The following TRPC7 variants were observed in gnomAD, a reference collection of about 807,000 sequenced individuals.
TRPC7 encodes the protein transient receptor potential cation channel subfamily C member 7.
A neutral mutation model predicts 90.1 loss-of-function variants in TRPC7; 42 were observed. That is an observed-to-expected ratio of 0.47 (90% CI 0.36 to 0.60). The LOEUF is 0.60. Ranked by LOEUF, TRPC7 falls within the 20% of genes least tolerant of loss-of-function variation. TRPC7 has a pLI of 0.00. For missense variants in TRPC7, 955 were observed against 1,112.3 expected, an observed-to-expected ratio of 0.86 and a Z score of 2.01; for synonymous variants, 451 against 436.3, an observed-to-expected ratio of 1.03 and a Z score of -0.42.
intron 2 of TRPC7, among the ~76,000 whole-genome samples, chr5:136,336,696 G>A (rs1759677983): frequency 6.6e-6 from 1 of 151,940 alleles, no homozygotes; most frequent in South Asian, 2.1e-4. Context: ...GGGGTGTGAT[G>A]TTCCCTGCCC....
intron 2 of TRPC7, among the ~76,000 whole-genome samples, chr5:136,331,953 G>A (rs1759513672): frequency 6.6e-6 from 1 of 152,168 alleles, no homozygotes; most frequent in African/African-American, 2.4e-5. Flanking sequence ...TATAGGAACT[G>A]CAGAGGTAAG....
chr5:136,308,781 G>C (rs1039968747), intron 3 of TRPC7, among the ~76,000 whole-genome samples: 1 of 152,194 alleles, frequency 6.6e-6, no homozygotes, highest in African/African-American at 2.4e-5. Context: ...AGTGTCCACT[G>C]TGTCTGTGAG....
At chr5:136,261,195 A>G (rs766127545) in intron 5 of TRPC7, among the ~76,000 whole-genome samples, 1 of 152,186 alleles carries the variant, frequency 6.6e-6, no homozygotes, top group Non-Finnish European at 1.5e-5. Context: ...AGTTATTACT[A>G]TTTTTATAAT....
At chr5:136,269,992 G>A (rs1055715997) in intron 4 of TRPC7, among the ~76,000 whole-genome samples, 5 of 152,186 alleles carry the variant, frequency 3.3e-5, no homozygotes, top group African/African-American at 7.2e-5. Context: ...GCAGGACTCC[G>A]ATGAAAGAAA....
chr5:136,283,245 G>C (rs950947417), intron 3 of TRPC7, among the ~76,000 whole-genome samples: 5 of 152,222 alleles, frequency 3.3e-5, no homozygotes, highest in African/African-American at 1.2e-4. Flanking sequence ...TGCCTCCTTG[G>C]TGTGTGGGGT....
intron 2 of TRPC7, among the ~76,000 whole-genome samples, chr5:136,327,144 A>G (rs1467545849): frequency 1.3e-5 from 2 of 152,322 alleles, no homozygotes; most frequent in African/African-American, 2.4e-5. Flanking sequence ...GCGTGTTGGA[A>G]TGATGACCTG....
chr5:136,321,054 G>A (rs1262067385), intron 2 of TRPC7, among the ~76,000 whole-genome samples: 1 of 152,092 alleles, frequency 6.6e-6, no homozygotes, highest in African/African-American at 2.4e-5. Context: ...CCTGGAGCAT[G>A]GTGGGCACTC....
intron 11 of TRPC7, among the ~76,000 whole-genome samples, chr5:136,215,860 A>G (rs115928612): frequency 0.015 from 2,293 of 151,246 alleles, 51 homozygotes; most frequent in African/African-American, 0.046. Context: ...GGAAGGCAGA[A>G]GAGTGGGGTC....
intron 3 of TRPC7, among the ~76,000 whole-genome samples, chr5:136,301,360 TA>T (rs70976599): frequency 0.076 from 5,334 of 69,990 alleles, 545 homozygotes; most frequent in African/African-American, 0.11. Flanking sequence ...TTTTTTTTTT[TA>T]ACAAATCATA....
chr5:136,332,077 G>A (rs756243031), intron 2 of TRPC7, among the ~76,000 whole-genome samples: 2 of 152,148 alleles, frequency 1.3e-5, no homozygotes, highest in Non-Finnish European at 2.9e-5. Context: ...ATATAGATGT[G>A]AACCAGGAAC....
chr5:136,304,074 T>C (rs1056266159), intron 3 of TRPC7, among the ~76,000 whole-genome samples: 6 of 151,948 alleles, frequency 3.9e-5, no homozygotes, highest in Non-Finnish European at 8.8e-5. Flanking sequence ...CTTATTAGGC[T>C]GAGACACTTT....
chr5:136,323,377 T>A (rs954002583), intron 2 of TRPC7, among the ~76,000 whole-genome samples: 1 of 152,248 alleles, frequency 6.6e-6, no homozygotes, highest in Non-Finnish European at 1.5e-5. Context: ...CTTTTTGTTA[T>A]GCTTTTTATG....
chr5:136,328,630 G>A (rs1294162137), intron 2 of TRPC7, among the ~76,000 whole-genome samples: 2 of 152,208 alleles, frequency 1.3e-5, no homozygotes, highest in Admixed American at 6.5e-5. Context: ...GTATAATGGG[G>A]CTGATAATGC....
At chr5:136,288,814 AG>A (rs1266895113) in intron 3 of TRPC7, among the ~76,000 whole-genome samples, 2 of 152,236 alleles carry the variant, frequency 1.3e-5, no homozygotes, top group Non-Finnish European at 2.9e-5. Context: ...TATAATAACC[AG>A]TTACAATTAT....
intron 5 of TRPC7, among the ~76,000 whole-genome samples, chr5:136,257,922 T>C (rs1756736462): frequency 6.6e-6 from 1 of 152,000 alleles, no homozygotes; most frequent in Non-Finnish European, 1.5e-5. Context: ...AACTTAAGAG[T>C]GATTGGCTTT....
intron 2 of TRPC7, among the ~76,000 whole-genome samples, chr5:136,349,408 G>A (rs1488100066): frequency 6.6e-6 from 1 of 152,172 alleles, no homozygotes; most frequent in Non-Finnish European, 1.5e-5. Context: ...GTTACTGGGA[G>A]GAAAAGTTGT....
chr5:136,335,876 C>A (rs1449974557), intron 2 of TRPC7, among the ~76,000 whole-genome samples: 6 of 133,586 alleles, frequency 4.5e-5, no homozygotes, highest in Admixed American at 9.2e-5. Context: ...TGCACTCCAG[C>A]CTGGGCGACA....
chr5:136,349,930 C>G (rs145240127), intron 2 of TRPC7, among the ~76,000 whole-genome samples: 1 of 152,130 alleles, frequency 6.6e-6, no homozygotes, highest in East Asian at 1.9e-4. Flanking sequence ...TTTTACTGTG[C>G]CTTTCCTATT....
chr5:136,351,809 A>G (rs1687103617), intron 2 of TRPC7, among the ~76,000 whole-genome samples: 1 of 152,256 alleles, frequency 6.6e-6, no homozygotes, highest in Admixed American at 6.5e-5. Context: ...GTAGTATTTT[A>G]GGCCCAGAGA....
Sources: allele counts gnomAD v4.1 joint callset (sites outside exome capture counted in the v4.1 genomes callset), GRCh38; gene constraint gnomAD v4.1.1; transcripts MANE v1.5; gene names NCBI Gene and HGNC (gene_info 2026-07-23, HGNC 2026-07-21).